The following LDB2 variants were observed in gnomAD, a reference collection of about 807,000 sequenced individuals.
The protein encoded by LDB2 is LIM domain binding 2, also known as LIM domain-binding protein 2.
A neutral mutation model predicts 44.3 loss-of-function variants in LDB2; 12 were observed. The observed-to-expected ratio is 0.27, with a 90% CI of 0.17 to 0.44. The LOEUF is 0.44. Ranked by LOEUF, LDB2 falls within the 20% of genes least tolerant of loss-of-function variation. The pLI is 1.00. For synonymous variants in LDB2, 164 were observed against 174.8 expected, an observed-to-expected ratio of 0.94 and a Z score of 0.49; for missense variants, 344 against 473.5, an observed-to-expected ratio of 0.73 and a Z score of 2.54.
At chr4:16,517,780 C>G (rs914010691) in intron 5 of LDB2, among the ~76,000 whole-genome samples, 2 of 152,200 alleles carry the variant, frequency 1.3e-5, no homozygotes, top group Non-Finnish European at 2.9e-5. Flanking sequence ...GTTGAGCTTG[C>G]TCTCCTATGC....
At chr4:16,504,276 C>T (rs1026589719) in intron 7 of LDB2, among the ~76,000 whole-genome samples, 3 of 152,138 alleles carry the variant, frequency 2.0e-5, no homozygotes, top group African/African-American at 7.2e-5. Flanking sequence ...TTGAAAGTGT[C>T]CATTGAACAA....
intron 2 of LDB2, among the ~76,000 whole-genome samples, chr4:16,675,661 T>G (rs1214434197): frequency 6.6e-6 from 1 of 152,168 alleles, no homozygotes; most frequent in Non-Finnish European, 1.5e-5. Flanking sequence ...TATGTTGGCC[T>G]TGATCCCAAA....
intron 5 of LDB2, among the ~76,000 whole-genome samples, chr4:16,576,996 A>C (rs1711917000): frequency 6.6e-6 from 1 of 152,214 alleles, no homozygotes; most frequent in African/African-American, 2.4e-5. Context: ...CGATCATTTC[A>C]ATTGATGCTG....
intron 1 of LDB2, among the ~76,000 whole-genome samples, chr4:16,781,865 G>A (rs939311947): frequency 6.6e-6 from 1 of 152,172 alleles, no homozygotes; most frequent in African/African-American, 2.4e-5. Flanking sequence ...AGCCCACCAT[G>A]TAAAGATGGA....
intron 5 of LDB2, among the ~76,000 whole-genome samples, chr4:16,529,640 C>T (rs920570020): frequency 2.0e-5 from 3 of 152,204 alleles, no homozygotes; most frequent in African/African-American, 7.2e-5. Context: ...TAGGGAGCTT[C>T]TCTTCCTTGT....
chr4:16,623,645 TGC>T (rs1393131032), intron 2 of LDB2, among the ~76,000 whole-genome samples: 1 of 58,176 alleles, frequency 1.7e-5, no homozygotes, highest in African/African-American at 5.9e-5. Context: ...ACTATCAATG[TGC>T]TGTCAATTAA....
Position 16,576,790 on chromosome 4 carries a change from T to C in LDB2, c.615+9132A>G, listed in dbSNP as rs535402065. ...AAGACACATCATAAAAAGAGAAAAC[T>C]ACAGGCCAATATCACTGATAAATAT... On this transcript the variant is annotated intron_variant, in intron 5 of 7. Coordinates refer to ENST00000304523, the MANE Select transcript of LDB2 (RefSeq NM_001290.5). Among the ~76,000 whole-genome samples, 288 of 152,114 alleles carry C rather than the reference T, an allele frequency of 1.9e-3. 1 individual carries two copies. Among genetic ancestry groups the C allele is most frequent in the African/African-American group, 6.5e-3 (269 of 41,500 alleles).
At chr4:16,831,526 G>T (rs1006375634) in intron 1 of LDB2, among the ~76,000 whole-genome samples, 6 of 152,132 alleles carry the variant, frequency 3.9e-5, no homozygotes, top group Admixed American at 3.9e-4. Flanking sequence ...TGGTGGCTTT[G>T]AAGAAGGCAG....
intron 1 of LDB2, among the ~76,000 whole-genome samples, chr4:16,895,037 T>C (rs1724522324): frequency 6.6e-6 from 1 of 151,802 alleles, no homozygotes. Context: ...TGAAGAACTC[T>C]TTGTGATTTT....
chr4:16,625,462 AC>A (rs377286888), intron 2 of LDB2, among the ~76,000 whole-genome samples: 14 of 152,270 alleles, frequency 9.2e-5, no homozygotes, highest in African/African-American at 2.4e-4. Flanking sequence ...CTCTTTGAAG[AC>A]AAGGACTTCA....
intron 2 of LDB2, among the ~76,000 whole-genome samples, chr4:16,638,692 CAT>C (rs1045818807): frequency 6.6e-6 from 1 of 152,160 alleles, no homozygotes; most frequent in Non-Finnish European, 1.5e-5. Flanking sequence ...TCAGCAAAAA[CAT>C]ATCCAGTGAA....
At chr4:16,814,517 C>T (rs1183402733) in intron 1 of LDB2, among the ~76,000 whole-genome samples, 2 of 143,644 alleles carry the variant, frequency 1.4e-5, no homozygotes, top group Non-Finnish European at 3.1e-5. Flanking sequence ...TTCAGCCTCC[C>T]TGCCCATTAT....
intron 4 of LDB2, among the ~76,000 whole-genome samples, chr4:16,587,059 G>A (rs987264421): frequency 1.3e-5 from 2 of 152,206 alleles, no homozygotes; most frequent in South Asian, 4.1e-4. Context: ...CTGACATTGA[G>A]CCTATATTTA....
At chr4:16,821,624 C>T (rs2109971573) in intron 1 of LDB2, among the ~76,000 whole-genome samples, 1 of 150,762 alleles carries the variant, frequency 6.6e-6, no homozygotes, top group South Asian at 2.1e-4. Context: ...CTCCTAATCT[C>T]GTGATCTGCC....
intron 2 of LDB2, among the ~76,000 whole-genome samples, chr4:16,668,741 T>A (rs547613093): frequency 6.6e-6 from 1 of 152,230 alleles, no homozygotes; most frequent in African/African-American, 2.4e-5. Context: ...TATTTTCTCA[T>A]GCAACTGAAA....
At chr4:16,855,011 T>C (rs191406702) in intron 1 of LDB2, among the ~76,000 whole-genome samples, 122 of 141,862 alleles carry the variant, frequency 8.6e-4, no homozygotes, top group Middle Eastern at 7.3e-3. Context: ...AACAACCCAA[T>C]AGAAAAAATG....
chr4:16,503,848 A>G (rs1016052812), intron 7 of LDB2, among the ~76,000 whole-genome samples: 3 of 152,198 alleles, frequency 2.0e-5, no homozygotes, highest in East Asian at 3.8e-4. Context: ...AGCTGGGAGC[A>G]TGGGGAGGCC....
chr4:16,715,888 C>G, intron 2 of LDB2, among the ~76,000 whole-genome samples: 1 of 152,068 alleles, frequency 6.6e-6, no homozygotes, highest in East Asian at 1.9e-4. Context: ...TCGAGGCAGA[C>G]TGAGTGGCAA....
At chr4:16,531,452 A>G (rs980522546) in intron 5 of LDB2, among the ~76,000 whole-genome samples, 1 of 152,250 alleles carries the variant, frequency 6.6e-6, no homozygotes, top group African/African-American at 2.4e-5. Context: ...AAGGCAAACA[A>G]CATATTATTC....
Sources: gnomAD v4.1 joint callset for allele counts (sites outside exome capture counted in the v4.1 genomes callset) on GRCh38, gnomAD v4.1.1 for gene constraint, MANE v1.5 for transcripts, NCBI Gene and HGNC (gene_info 2026-07-23, HGNC 2026-07-21) for gene names.